Variants in QRSL1 observed in about 807,000 individuals in gnomAD.
The protein encoded by QRSL1 is glutaminyl-tRNA amidotransferase subunit QRSL1, also known as glutamyl-tRNA(Gln) amidotransferase subunit A, mitochondrial.
A neutral mutation model predicts 61.6 loss-of-function variants in QRSL1; 54 were observed. The ratio of observed to expected loss-of-function variants is 0.88; its 90% CI spans 0.70 to 1.10. The LOEUF is 1.10. Among genes scored for constraint, QRSL1 ranks in the 50% least tolerant of loss-of-function variants. QRSL1 has a pLI of 0.00. For synonymous variants in QRSL1, 228 were observed against 225.7 expected (o/e 1.01, Z -0.09); for missense variants, 505 against 622.6 (o/e 0.81, Z 2.01).
intron 4 of QRSL1, among the ~76,000 whole-genome samples, chr6:106,645,813 C>G (rs576953266): frequency 2.0e-5 from 3 of 152,258 alleles, no homozygotes; most frequent in African/African-American, 7.2e-5. Flanking sequence ...TCTATATTGA[C>G]CTTTTATCCC....
chr6:106,657,277 A>C (rs1405554069), intron 9 of QRSL1, among the ~76,000 whole-genome samples: 1 of 152,128 alleles, frequency 6.6e-6, no homozygotes, highest in Non-Finnish European at 1.5e-5. Context: ...TCAAAAAAAA[A>C]AAAAGAATAC....
Position 106,660,179 on chromosome 6 carries a change from A to G in QRSL1, c.1161-2801A>G, listed in dbSNP as rs142381818. On this transcript the variant is annotated intron_variant, in intron 9 of 10. Transcript: ENST00000369046. ...CCCTAGGCATTAAGCTGGGGAAATC[A>G]AAGGGCATATCTCATTTTCTTTTCT... 8.6e-3 allele frequency among the ~76,000 whole-genome samples: 1,305 copies of G among 151,650 alleles called. 8 individuals carry two copies. The highest frequency in any genetic ancestry group is 0.014 in the Non-Finnish European group (959 of 67,898).
chr6:106,651,163 G>T (rs187157783), intron 5 of QRSL1, among the ~76,000 whole-genome samples: 1 of 152,198 alleles, frequency 6.6e-6, no homozygotes, highest in East Asian at 1.9e-4. Flanking sequence ...GTGTCATGTA[G>T]TATTTGTCTT....
At chr6:106,651,622 A>G (rs1034350388) in intron 5 of QRSL1, among the ~76,000 whole-genome samples, 1 of 152,142 alleles carries the variant, frequency 6.6e-6, no homozygotes, top group Non-Finnish European at 1.5e-5. Context: ...CTAGTTAGAA[A>G]CAACGTAAGA....
At chr6:106,665,055 A>G (rs1253898133) in intron 10 of QRSL1, among the ~76,000 whole-genome samples, 1 of 152,138 alleles carries the variant, frequency 6.6e-6, no homozygotes, top group East Asian at 1.9e-4. Context: ...AATTACTGTC[A>G]GTATTGTTTT....
At position 106,663,180 on chromosome 6, in the gene QRSL1, T is replaced by C. The variant is rs766976042; in HGVS notation, c.1361T>C (p.Met454Thr). 4.3e-6 allele frequency: 7 copies of C among 1,613,850 alleles called. No individual in the cohort carries two copies. Among genetic ancestry groups the C allele is most frequent in the South Asian group, 3.3e-5 (3 of 91,072 alleles). The change falls in exon 10 of 11, where the codon ATG becomes ACG. Residue 454 changes from methionine to threonine, a missense_variant. Coordinates refer to ENST00000369046, the MANE Select transcript of QRSL1 (RefSeq NM_018292.5). The stretch of plus-strand genomic sequence containing the variant: ...GATATTTTTACACAAGCTGTAAATA[T>C]GGCAGGTGAGGATTCCTCAGGAACA... Reference protein sequence around the residue: ...QDDIFTQAVNMAGLPAVSIPV... With the variant: ...QDDIFTQAVNTAGLPAVSIPV...
chr6:106,658,608 C>G (rs935898763), intron 9 of QRSL1, among the ~76,000 whole-genome samples: 4 of 151,650 alleles, frequency 2.6e-5, no homozygotes, highest in African/African-American at 9.7e-5. Flanking sequence ...AAGGTTTTGT[C>G]CATTGTCTTC....
chr6:106,643,350 A>G (rs77502661), intron 4 of QRSL1, among the ~76,000 whole-genome samples: 4,947 of 152,258 alleles, frequency 0.032, 277 homozygotes, highest in East Asian at 0.19. Context: ...TAGCTTTTCA[A>G]ATTCTGTGCC....
chr6:106,662,983 CTA>C lies in QRSL1; in HGVS notation c.1166_1167del (p.Tyr389Ter), dbSNP rs1777380382. The stretch of plus-strand genomic sequence containing the variant: ...ATCACCTACTTTTTTCCCACAGAAA[CTA>C]TGAAAATTATTTTGTCAAAGCACAG... ...SGNFFLLKEN[Y>X]ENYFVKAQKV... On this transcript the variant is annotated frameshift_variant, in exon 10 of 11. Transcript: ENST00000369046. LOFTEE classifies it high-confidence loss of function. 1.9e-6 allele frequency: 3 copies of C among 1,603,266 alleles called. No homozygotes were observed. Among genetic ancestry groups the C allele is most frequent in the Non-Finnish European group, 1.7e-6 (2 of 1,170,506 alleles).
intron 4 of QRSL1, among the ~76,000 whole-genome samples, chr6:106,644,283 A>C (rs949653745): frequency 1.3e-5 from 2 of 152,138 alleles, no homozygotes; most frequent in African/African-American, 4.8e-5. Flanking sequence ...AGCTTGGTCC[A>C]GCAAAGTGTT....
chr6:106,662,159 A>C (rs1451082260), intron 9 of QRSL1, among the ~76,000 whole-genome samples: 1 of 152,036 alleles, frequency 6.6e-6, no homozygotes, highest in Non-Finnish European at 1.5e-5. Flanking sequence ...TGAATTTCAC[A>C]TTTCTACCCC....
intron 9 of QRSL1, among the ~76,000 whole-genome samples, chr6:106,657,742 G>A (rs1777293894): frequency 6.6e-6 from 1 of 152,082 alleles, no homozygotes; most frequent in East Asian, 1.9e-4. Flanking sequence ...GTCTCACTCT[G>A]TCACCCAGGC....
intron 5 of QRSL1, among the ~76,000 whole-genome samples, chr6:106,649,450 T>G (rs534620441): frequency 1.6e-4 from 24 of 152,354 alleles, no homozygotes; most frequent in Non-Finnish European, 2.4e-4. Context: ...AATATGATTT[T>G]GTGGATCTTG....
At chr6:106,636,319 T>C (rs1301033160) in intron 1 of QRSL1, among the ~76,000 whole-genome samples, 2 of 122,044 alleles carry the variant, frequency 1.6e-5, no homozygotes, top group African/African-American at 8.1e-5. Flanking sequence ...GCTCTGCTAC[T>C]TTTTTTTTTT....
chr6:106,661,135 G>T (rs1026608273), intron 9 of QRSL1, among the ~76,000 whole-genome samples: 2 of 151,516 alleles, frequency 1.3e-5, no homozygotes, highest in Non-Finnish European at 2.9e-5. Context: ...TTTTTGAGAC[G>T]GAGTCTTGCT....
intron 9 of QRSL1, among the ~76,000 whole-genome samples, chr6:106,660,515 T>G (rs1205082766): frequency 2.6e-5 from 4 of 152,160 alleles, no homozygotes; most frequent in African/African-American, 9.7e-5. Flanking sequence ...CTTTTTCTCC[T>G]GAATGTCTGT....
intron 3 of QRSL1, 99 bp from the exon 4 acceptor site, chr6:106,642,895 G>A: frequency 1.1e-6 from 1 of 898,316 alleles, no homozygotes; most frequent in Non-Finnish European, 1.8e-6. Flanking sequence ...CTCCTGAGCT[G>A]TTGGAGCCTA....
intron 9 of QRSL1, among the ~76,000 whole-genome samples, chr6:106,658,956 C>CT (rs111877084): frequency 0.1 from 15,198 of 151,546 alleles, 1,080 homozygotes; most frequent in African/African-American, 0.19. Context: ...ACACTACATT[C>CT]TTTTTTTTTC....
intron 9 of QRSL1, among the ~76,000 whole-genome samples, chr6:106,658,189 A>G (rs1777301345): frequency 6.6e-6 from 1 of 152,074 alleles, no homozygotes; most frequent in Non-Finnish European, 1.5e-5. Context: ...AGTGTCATTT[A>G]TATTTACCTA....
Sources: gnomAD v4.1 joint callset for allele counts (sites outside exome capture counted in the v4.1 genomes callset) on GRCh38, gnomAD v4.1.1 for gene constraint, MANE v1.5 for transcripts, NCBI Gene and HGNC (gene_info 2026-07-23, HGNC 2026-07-21) for gene names.